Variants in SEC24D observed in about 807,000 individuals in gnomAD.
The protein encoded by SEC24D is protein transport protein Sec24D.
A neutral mutation model predicts 116.9 loss-of-function variants in SEC24D; 69 were observed. That is an observed-to-expected ratio of 0.59 (90% CI 0.49 to 0.72). The LOEUF (loss-of-function observed/expected upper bound fraction) is 0.72, where lower values mean the gene tolerates loss of function less well. SEC24D is among the 30% of genes least tolerant of loss of function. The pLI is 0.00. For missense variants in SEC24D, 1,131 were observed against 1,264.1 expected (o/e 0.89, Z 1.60); for synonymous variants, 405 against 442.8 (o/e 0.91, Z 1.07).
intron 6 of SEC24D, among the ~76,000 whole-genome samples, chr4:118,806,643 TAA>T (rs140668239): frequency 6.9e-6 from 1 of 145,576 alleles, no homozygotes. Flanking sequence ...AGCATTTTCT[TAA>T]AAAAAAAAAA....
At chr4:118,754,659 A>G (rs1224816613) in intron 11 of SEC24D, among the ~76,000 whole-genome samples, 2 of 152,134 alleles carry the variant, frequency 1.3e-5, no homozygotes, top group African/African-American at 2.4e-5. Context: ...TAGAGCCCCA[A>G]CTGATAACCC....
intron 2 of SEC24D, among the ~76,000 whole-genome samples, chr4:118,825,929 GTA>G (rs1018464470): frequency 6.6e-6 from 1 of 151,988 alleles, no homozygotes; most frequent in Non-Finnish European, 1.5e-5. Flanking sequence ...GACTGATGAT[GTA>G]TAGTCACCCA....
intron 22 of SEC24D, among the ~76,000 whole-genome samples, chr4:118,728,099 T>C (rs1725498657): frequency 6.6e-6 from 1 of 152,200 alleles, no homozygotes; most frequent in South Asian, 2.1e-4. Context: ...TCTTGGGTTC[T>C]AGACATATTA....
At chr4:118,778,518 T>C (rs891762085) in intron 8 of SEC24D, among the ~76,000 whole-genome samples, 4 of 152,232 alleles carry the variant, frequency 2.6e-5, no homozygotes, top group Admixed American at 2.6e-4. Flanking sequence ...AGCCTTGTAG[T>C]ATAGTTTGAA....
At chr4:118,742,991 C>T (rs1021218257) in intron 15 of SEC24D, among the ~76,000 whole-genome samples, 1 of 152,128 alleles carries the variant, frequency 6.6e-6, no homozygotes, top group South Asian at 2.1e-4. Flanking sequence ...CAGATCGTGC[C>T]CACTCTGTGC....
At position 118,744,982 on chromosome 4, in the gene SEC24D, T is replaced by G; in HGVS notation, c.1786A>C (p.Arg596=). 1 of 1,612,814 alleles carries G rather than the reference T, an allele frequency of 6.2e-7. No individual in the cohort carries two copies. Among genetic ancestry groups the G allele is most frequent in the Non-Finnish European group, 8.5e-7 (1 of 1,179,152 alleles). ...GTATTAACCAGTTTTTTGTCATCTC[T>G]GTTTTTGAGCTTCCCTGGTGCTTCA... ...TAEAPGKLKN[R]DDKKLVNTDK... Residue 596 remains arginine, a synonymous_variant, in exon 14 of 23, where the codon AGA becomes CGA. Transcript: ENST00000280551.
At chr4:118,792,657 C>T (rs1424235947) in intron 8 of SEC24D, among the ~76,000 whole-genome samples, 1 of 152,156 alleles carries the variant, frequency 6.6e-6, no homozygotes, top group Non-Finnish European at 1.5e-5. Flanking sequence ...AAGGGCGGTG[C>T]AAGATGTGCT....
At chr4:118,751,380 G>T (rs776662056) in intron 13 of SEC24D, among the ~76,000 whole-genome samples, 1 of 152,022 alleles carries the variant, frequency 6.6e-6, no homozygotes, top group South Asian at 2.1e-4. Context: ...GTTTCTCCAT[G>T]TTGGTCAGGC....
Position 118,732,054 on chromosome 4 carries a change from G to A in SEC24D, c.2677-547C>T, listed in dbSNP as rs551550170. ...ATTTCTAGAAGGGAGGGGAGGGCGG[G>A]GCACACAGCACTGGGCCAGGGTGGT... On this transcript the variant is annotated intron_variant, in intron 20 of 22. Coordinates refer to ENST00000280551, the MANE Select transcript of SEC24D (RefSeq NM_014822.4). Among the ~76,000 whole-genome samples the A allele has an allele frequency of 3.3e-5, 5 of 151,510 alleles. No individual in the cohort carries two copies. In the East Asian group the frequency reaches 9.7e-4, roughly 30 times the overall value.
intron 8 of SEC24D, among the ~76,000 whole-genome samples, chr4:118,793,466 CAAAAAAAAAAAAAA>C (rs70944815): frequency 4.3e-5 from 3 of 69,292 alleles, no homozygotes; most frequent in African/African-American, 1.9e-4. Context: ...GACTCCGTCT[CAAAAAAAAAAAAAA>C]AAAAAAAAAA....
chr4:118,728,728 G>A, intron 21 of SEC24D, 78 bp from the exon 22 acceptor site: 1 of 894,780 alleles, frequency 1.1e-6, no homozygotes, highest in East Asian at 2.6e-5. Context: ...TTATCATAAT[G>A]TTAAAAACAT....
chr4:118,776,121 G>A lies in SEC24D; in HGVS notation c.1042-7810C>T, dbSNP rs74449042. 6.5e-3 allele frequency among the ~76,000 whole-genome samples: 981 copies of A among 151,932 alleles called. 11 individuals are homozygous for A. Among genetic ancestry groups the A allele is most frequent in the African/African-American group, 0.022 (929 of 41,434 alleles). On this transcript the variant is annotated intron_variant, in intron 8 of 22. Transcript: ENST00000280551. ...GGAAAACTGAAGGAAGGGAAGGGGA[G>A]GGGAGAGGAGGGGAAGGGGTAGGGG...
At chr4:118,740,906 A>G (rs369069818) in intron 16 of SEC24D, 35 bp downstream of exon 16, 299 of 1,589,532 alleles carry the variant, frequency 1.9e-4, no homozygotes, top group Non-Finnish European at 2.5e-4. Flanking sequence ...CAATTATTCA[A>G]GAGAGACCCG....
intron 7 of SEC24D, 127 bp from the exon 8 acceptor site, chr4:118,797,937 A>C: frequency 1.4e-6 from 1 of 709,410 alleles, no homozygotes; most frequent in Non-Finnish European, 2.1e-6. Flanking sequence ...AACTCTCTTC[A>C]TGATTTGTTT....
rs71954957 is a variant in SEC24D, at chr4:118,804,885, T to TACACACACACACACACACACAC, written c.913+936_913+957dup. ...AAGCATACTTATGTGTATGCATGCA[T>TACACACACACACACACACACAC]ACACACACACACACACACACACACA... On this transcript the variant is annotated intron_variant, in intron 7 of 22. Coordinates refer to ENST00000280551, the MANE Select transcript of SEC24D (RefSeq NM_014822.4). Among the ~76,000 whole-genome samples, 101 of 140,996 alleles carry TACACACACACACACACACACAC rather than the reference T, an allele frequency of 7.2e-4. 1 individual carries two copies. The highest frequency in any genetic ancestry group is 1.8e-3 in the African/African-American group (69 of 37,378). 92.5% of individuals were successfully genotyped at this position (140,996 alleles called of 152,430 possible).
At chr4:118,819,828 A>G (rs1010215662) in intron 3 of SEC24D, among the ~76,000 whole-genome samples, 32 of 152,214 alleles carry the variant, frequency 2.1e-4, no homozygotes, top group African/African-American at 7.7e-4. Context: ...GAGTTATAAC[A>G]CAAGCAGCTT....
chr4:118,783,267 A>G (rs1251125799), intron 8 of SEC24D, among the ~76,000 whole-genome samples: 1 of 152,158 alleles, frequency 6.6e-6, no homozygotes, highest in Non-Finnish European at 1.5e-5. Flanking sequence ...AATTTAAATG[A>G]CACTTTCTCA....
At chr4:118,759,451 A>G (rs192725045) in intron 10 of SEC24D, among the ~76,000 whole-genome samples, 2 of 152,154 alleles carry the variant, frequency 1.3e-5, no homozygotes, top group Non-Finnish European at 2.9e-5. Flanking sequence ...CTACCCATTC[A>G]ATCCAGCTGG....
chr4:118,764,801 CT>C lies in SEC24D; in HGVS notation c.1296del (p.Lys433ArgfsTer13). The C allele has an allele frequency of 6.6e-7, 1 of 1,517,406 alleles. No individual in the cohort carries two copies. The highest frequency in any genetic ancestry group is 9.1e-7 in the Non-Finnish European group (1 of 1,093,730). 94.0% of individuals were successfully genotyped at this position (1,517,406 alleles called of 1,614,324 possible). Reference sequence around the variant, plus strand: ...ACACTTGAAGTTCTGGGAACACTTACTCTGCAATAATCCAAAGTGGCAACAT... The same window carrying C: ...ACACTTGAAGTTCTGGGAACACTTACCTGCAATAATCCAAAGTGGCAACAT... ...YEYVATLDYC[R>X]KSKPPNPPAF... is the part of the protein sequence containing the mutation. On this transcript the variant is annotated frameshift_variant and splice_region_variant, in exon 10 of 23. Coordinates refer to ENST00000280551, the MANE Select transcript of SEC24D (RefSeq NM_014822.4). LOFTEE classifies it high-confidence loss of function.
Sources: gnomAD v4.1 joint callset for allele counts (sites outside exome capture counted in the v4.1 genomes callset) on GRCh38, gnomAD v4.1.1 for gene constraint, MANE v1.5 for transcripts, NCBI Gene and HGNC (gene_info 2026-07-23, HGNC 2026-07-21) for gene names.